Variants in GSE1 observed in about 807,000 individuals in gnomAD.
The protein encoded by GSE1 is Gse1 coiled-coil protein, also known as genetic suppressor element 1.
Under a neutral mutation model 112.6 loss-of-function variants are expected in GSE1, and 32 were observed. The observed-to-expected ratio is 0.28, with a 90% CI of 0.21 to 0.38. The LOEUF is 0.38. GSE1 is among the 10% of genes least tolerant of loss of function. GSE1 has a pLI of 1.00. For synonymous variants in GSE1, 1,115 were observed against 735.6 expected (o/e 1.52, Z -8.35); for missense variants, 2,348 against 1,699.2 (o/e 1.38, Z -6.71).
Position 85,661,737 on chromosome 16 carries a change from G to A in GSE1, c.2232G>A (p.Glu744=), listed in dbSNP as rs757161594. The change falls in exon 9 of 16, where the codon GAG becomes GAA. Residue 744 remains glutamate, a synonymous_variant. Transcript: ENST00000253458. ...TGGTCAGCAAGCTGGACCTGGAGGA[G>A]CGCAGGCGGCGGGAGGCCCAGGAGA... The part of the protein sequence containing the change: ...RRLVSKLDLE[E]RRRREAQEKG... 1.0e-5 allele frequency: 16 copies of A among 1,557,804 alleles called. No homozygotes were observed. Among genetic ancestry groups the A allele is most frequent in the Non-Finnish European group, 1.4e-5 (16 of 1,149,912 alleles).
chr16:85,578,362 A>G (rs1201294102), intron 1 of GSE1, among the ~76,000 whole-genome samples: 1 of 152,172 alleles, frequency 6.6e-6, no homozygotes, highest in African/African-American at 2.4e-5. Context: ...GGCTCCCCAG[A>G]CGACAGAGGC....
At chr16:85,667,581 G>C (rs963977542) in intron 13 of GSE1, among the ~76,000 whole-genome samples, 3 of 152,220 alleles carry the variant, frequency 2.0e-5, no homozygotes, top group Non-Finnish European at 4.4e-5. Flanking sequence ...GAGGCAGCCG[G>C]GCGCAGTGGC....
At chr16:85,314,799 G>A (rs1171545282) in intron 1 of GSE1, among the ~76,000 whole-genome samples, 2 of 152,210 alleles carry the variant, frequency 1.3e-5, no homozygotes, top group Admixed American at 6.5e-5. Context: ...GGCAGGCCCA[G>A]GAGAGGTCTC....
At chr16:85,418,835 G>A (rs189977201) in intron 2 of GSE1, among the ~76,000 whole-genome samples, 9 of 152,284 alleles carry the variant, frequency 5.9e-5, no homozygotes, top group African/African-American at 1.9e-4. Flanking sequence ...TTTGGGAAAC[G>A]TTTTGAGCAT....
chr16:85,648,599 A>T lies in GSE1; in HGVS notation c.274A>T (p.Asn92Tyr). 1 of 1,605,352 alleles carries T rather than the reference A, an allele frequency of 6.2e-7. No individual in the cohort carries two copies. The highest frequency in any genetic ancestry group is 8.5e-7 in the Non-Finnish European group (1 of 1,175,944). The change falls in exon 3 of 16, where the codon AAC becomes TAC. Residue 92 changes from asparagine to tyrosine, a missense_variant. Transcript: ENST00000253458. ...ESSPVSSPAT[N>Y]HSSPASTPKR... ...GTCCCCCGTGTCCTCTCCGGCCACC[A>T]ACCACAGCTCCCCCGCCAGCACACC... is the stretch of plus-strand genomic sequence containing the variant.
chr16:85,487,306 G>A (rs1190268958), intron 2 of GSE1, among the ~76,000 whole-genome samples: 2 of 152,270 alleles, frequency 1.3e-5, no homozygotes, highest in African/African-American at 2.4e-5. Flanking sequence ...GTCACGTGGC[G>A]AGCTACGTCC....
At chr16:85,442,916 C>T (rs1008468052) in intron 2 of GSE1, among the ~76,000 whole-genome samples, 99 of 152,158 alleles carry the variant, frequency 6.5e-4, no homozygotes, top group Admixed American at 3.0e-3. Flanking sequence ...TTCCGAGCTC[C>T]GGTGGCCGTT....
chr16:85,452,612 C>G (rs2049717598), intron 2 of GSE1, among the ~76,000 whole-genome samples: 1 of 152,320 alleles, frequency 6.6e-6, no homozygotes, highest in East Asian at 1.9e-4. Context: ...TCCTCGGAAT[C>G]CCCTGCCCCA....
chr16:85,472,556 C>A (rs1005012046), intron 2 of GSE1, among the ~76,000 whole-genome samples: 3 of 152,188 alleles, frequency 2.0e-5, no homozygotes, highest in Non-Finnish European at 4.4e-5. Flanking sequence ...GCTCTGTTTA[C>A]AAATAAGGCC....
intron 2 of GSE1, among the ~76,000 whole-genome samples, chr16:85,380,025 G>A (rs746130629): frequency 6.6e-6 from 1 of 152,248 alleles, no homozygotes; most frequent in Non-Finnish European, 1.5e-5. Flanking sequence ...AGAACAGCAG[G>A]TGTTTGGCCT....
rs776400854 is a variant in GSE1 at position 85,661,142 on chromosome 16, C to G, written c.1641-4C>G. ...CTGACTGAAGGGTTGGTTTCACTCC[C>G]TAGGCCAGGACCAAACCGTCACGAG... On this transcript the variant is annotated splice_polypyrimidine_tract_variant and splice_region_variant and intron_variant, in intron 8 of 15. Transcript: ENST00000253458. The G allele has an allele frequency of 2.5e-6, 4 of 1,574,538 alleles. No homozygotes were observed. The highest frequency in any genetic ancestry group is 2.3e-5 in the East Asian group (1 of 44,154).
At chr16:85,362,149 G>A (rs150394986) in intron 2 of GSE1, among the ~76,000 whole-genome samples, 13 of 152,330 alleles carry the variant, frequency 8.5e-5, no homozygotes, top group African/African-American at 2.6e-4. Context: ...AGGCCCAAAC[G>A]GACTGACCAG....
rs1410604583 is a variant in GSE1, at chr16:85,501,238, G to A, written c.2465-132676G>A. ...AGGATAGTCTCAATCTCCTGACCTC[G>A]TGATCCACCTGCCTCGGCCTCCCAA... On this transcript the variant is annotated intron_variant, in intron 2 of 2. Transcript: ENST00000637419. Among the ~76,000 whole-genome samples the A allele has an allele frequency of 2.0e-5, 3 of 151,880 alleles. No individual in the cohort carries two copies. In the East Asian group the frequency reaches 5.8e-4, roughly 29 times the overall value.
intron 3 of GSE1, among the ~76,000 whole-genome samples, chr16:85,652,707 C>T (rs1236164510): frequency 1.3e-5 from 2 of 152,114 alleles, no homozygotes; most frequent in African/African-American, 2.4e-5. Flanking sequence ...TGGATGGGCC[C>T]AGGAAGAGGG....
intron 2 of GSE1, among the ~76,000 whole-genome samples, chr16:85,476,340 C>T (rs763199329): frequency 2.6e-5 from 4 of 152,090 alleles, no homozygotes; most frequent in Admixed American, 6.6e-5. Context: ...AGGCACCTGC[C>T]GAGGCTGGGT....
At chr16:85,458,396 G>A (rs1373004363) in intron 2 of GSE1, among the ~76,000 whole-genome samples, 2 of 152,232 alleles carry the variant, frequency 1.3e-5, no homozygotes, top group Non-Finnish European at 2.9e-5. Context: ...GGGAGCCCTC[G>A]ACAGCTGGAG....
intron 1 of GSE1, among the ~76,000 whole-genome samples, chr16:85,257,312 C>T (rs1458414387): frequency 6.6e-6 from 1 of 152,058 alleles, no homozygotes; most frequent in East Asian, 1.9e-4. Context: ...GTTTCAACCA[C>T]GTCAGCCAGG....
chr16:85,635,890 G>T (rs1974866), intron 2 of GSE1, among the ~76,000 whole-genome samples: 1 of 152,138 alleles, frequency 6.6e-6, no homozygotes, highest in Non-Finnish European at 1.5e-5. Context: ...GTTCAGACTC[G>T]CCTTCCCTCC....
intron 1 of GSE1, among the ~76,000 whole-genome samples, chr16:85,223,190 C>G (rs2075423400): frequency 6.6e-6 from 1 of 152,148 alleles, no homozygotes; most frequent in Non-Finnish European, 1.5e-5. Flanking sequence ...TCAGTCATGC[C>G]AAATGGAACC....
Sources: gnomAD v4.1 joint callset for allele counts (sites outside exome capture counted in the v4.1 genomes callset) on GRCh38, gnomAD v4.1.1 for gene constraint, MANE v1.5 for transcripts, NCBI Gene and HGNC (gene_info 2026-07-23, HGNC 2026-07-21) for gene names.